The following RAB10 variants were observed in gnomAD, a reference collection of about 807,000 sequenced individuals.
The protein encoded by RAB10 is ras-related protein Rab-10.
RAB10 carries 5 observed loss-of-function variants against 25.7 expected under a neutral mutation model. The ratio of observed to expected loss-of-function variants is 0.19; its 90% confidence interval spans 0.10 to 0.41. RAB10 has a LOEUF of 0.41. RAB10 is among the 10% of genes least tolerant of loss of function. RAB10 has a pLI of 1.00. For synonymous variants in RAB10, 89 were observed against 86.4 expected (o/e 1.03, Z -0.16); for missense variants, 103 against 245.8 (o/e 0.42, Z 3.89).
In RAB10 at chr2:26,114,221, G is replaced by A. The variant is rs138544166; in HGVS notation, c.327+4315G>A. Among the ~76,000 whole-genome samples the A allele has an allele frequency of 7.9e-3, 1,203 of 152,026 alleles. 22 individuals carry two copies. The highest frequency in any genetic ancestry group is 0.028 in the African/African-American group (1,147 of 41,458). On this transcript the variant is annotated intron_variant, in intron 3 of 5. Transcript: ENST00000264710. Reference sequence around the variant, plus strand: ...ATTGCTTTTTTAAAAATTCCCCCCCGTAGAAATTGACAAATTGACCCTAAA... The same window carrying A: ...ATTGCTTTTTTAAAAATTCCCCCCCATAGAAATTGACAAATTGACCCTAAA...
chr2:26,130,067 C>A (rs985990692), intron 5 of RAB10, among the ~76,000 whole-genome samples: 1 of 152,054 alleles, frequency 6.6e-6, no homozygotes, highest in Non-Finnish European at 1.5e-5. Context: ...GTAAGGGGGA[C>A]GGATCATAGG....
intron 2 of RAB10, among the ~76,000 whole-genome samples, chr2:26,103,657 A>T (rs1667389574): frequency 6.6e-6 from 1 of 152,206 alleles, no homozygotes; most frequent in Admixed American, 6.5e-5. Context: ...TTTTTAGTAT[A>T]TTCACAAATT....
chr2:26,067,025 A>G (rs1282091588), intron 1 of RAB10, among the ~76,000 whole-genome samples: 1 of 151,784 alleles, frequency 6.6e-6, no homozygotes, highest in Non-Finnish European at 1.5e-5. Context: ...CAAGTGATCC[A>G]CCTGCCTCAG....
At position 26,109,768 on chromosome 2, in the gene RAB10, G is replaced by C; in HGVS notation, c.189G>C (p.Trp63Cys). ...LQGKKIKLQI[W>C]DTAGQERFHT... The stretch of plus-strand genomic sequence containing the variant: ...AGAAATTATTGGCTGTTTATTTCAG[G>C]GATACAGCAGGCCAGGAGCGATTTC... The change falls in exon 3 of 6, where the codon TGG (tryptophan) becomes TGC (cysteine). Residue 63 changes from tryptophan (W) to cysteine (C), a missense_variant and splice_region_variant. Physicochemically the swap from Trp to Cys is radical, Grantham distance 215. This residue lies in a region of RAB10 where 79 missense variants were observed against 217.8 expected (regional missense o/e 0.36). Coordinates refer to ENST00000264710, the MANE Select transcript of RAB10 (RefSeq NM_016131.5). 6.4e-7 allele frequency: 1 copy of C among 1,561,758 alleles called. No individual in the cohort carries two copies. Among genetic ancestry groups the C allele is most frequent in the Non-Finnish European group, 8.6e-7 (1 of 1,159,376 alleles).
intron 3 of RAB10, among the ~76,000 whole-genome samples, chr2:26,117,195 T>C (rs1276094765): frequency 2.0e-5 from 3 of 152,168 alleles, no homozygotes; most frequent in Admixed American, 6.5e-5. Flanking sequence ...GGAGTTATTA[T>C]ATGAAGGTTT....
chr2:26,125,391 G>A (rs1667884442), intron 3 of RAB10, among the ~76,000 whole-genome samples: 1 of 137,264 alleles, frequency 7.3e-6, no homozygotes, highest in Non-Finnish European at 1.6e-5. Flanking sequence ...TTGTTTGTTT[G>A]TATATCTTCT....
chr2:26,041,844 C>T (rs1224560573), intron 1 of RAB10, among the ~76,000 whole-genome samples: 2 of 151,952 alleles, frequency 1.3e-5, no homozygotes, highest in East Asian at 1.9e-4. Context: ...GCGGAGGTTG[C>T]GGTGAGCCGA....
intron 5 of RAB10, among the ~76,000 whole-genome samples, chr2:26,131,572 T>TG (rs1668013544): frequency 6.6e-6 from 1 of 152,206 alleles, no homozygotes; most frequent in African/African-American, 2.4e-5. Flanking sequence ...TTCATTCTCT[T>TG]GCTTCAAACA....
At chr2:26,114,529 G>C (rs957020336) in intron 3 of RAB10, among the ~76,000 whole-genome samples, 5 of 152,090 alleles carry the variant, frequency 3.3e-5, no homozygotes, top group Non-Finnish European at 7.4e-5. Flanking sequence ...TGGGAAAACT[G>C]GCTATCCTTG....
At chr2:26,097,567 C>T (rs938664674) in intron 1 of RAB10, among the ~76,000 whole-genome samples, 6 of 152,300 alleles carry the variant, frequency 3.9e-5, no homozygotes, top group East Asian at 1.9e-4. Flanking sequence ...CGTGAGCCAC[C>T]GTGCCTGGCA....
upstream of RAB10, among the ~76,000 whole-genome samples, chr2:26,033,798 G>A (rs1336328646): frequency 6.6e-6 from 1 of 151,542 alleles, no homozygotes. Flanking sequence ...GGGAGGCGGG[G>A]GTCGGAGGGG....
intron 1 of RAB10, among the ~76,000 whole-genome samples, chr2:26,097,711 T>A (rs899841904): frequency 1.3e-5 from 2 of 152,260 alleles, no homozygotes; most frequent in Non-Finnish European, 2.9e-5. Flanking sequence ...ATGTCAGTTA[T>A]GTCAAATTGG....
At chr2:26,111,674 A>G (rs1667575707) in intron 3 of RAB10, among the ~76,000 whole-genome samples, 1 of 151,988 alleles carries the variant, frequency 6.6e-6, no homozygotes. Context: ...TCTTTATTTT[A>G]TTGTTCAGGT....
intron 1 of RAB10, among the ~76,000 whole-genome samples, chr2:26,042,120 T>A (rs1490059764): frequency 2.0e-5 from 3 of 152,168 alleles, no homozygotes; most frequent in Non-Finnish European, 4.4e-5. Context: ...ATACTGGATG[T>A]GCTACCTTTT....
intron 1 of RAB10, among the ~76,000 whole-genome samples, chr2:26,079,128 G>A (rs1237642139): frequency 6.6e-6 from 1 of 152,098 alleles, no homozygotes; most frequent in Non-Finnish European, 1.5e-5. Flanking sequence ...CGGAGGTTGT[G>A]GCGAGCTGAG....
At chr2:26,088,977 G>A (rs1318237267) in intron 1 of RAB10, among the ~76,000 whole-genome samples, 2 of 151,954 alleles carry the variant, frequency 1.3e-5, no homozygotes, top group Admixed American at 6.6e-5. Context: ...GGGGGAGGGT[G>A]GAAAGTACAC....
intron 1 of RAB10, among the ~76,000 whole-genome samples, chr2:26,096,617 G>C (rs1312916308): frequency 6.6e-6 from 1 of 151,962 alleles, no homozygotes; most frequent in Non-Finnish European, 1.5e-5. Context: ...TTGATCTTTG[G>C]AACATACTTT....
chr2:26,056,758 C>G (rs1303733103), intron 1 of RAB10, among the ~76,000 whole-genome samples: 6 of 152,150 alleles, frequency 3.9e-5, no homozygotes, highest in Admixed American at 3.9e-4. Flanking sequence ...TCCTGAGTAG[C>G]TAGGACTACA....
chr2:26,036,583 T>G (rs542507712), intron 1 of RAB10, among the ~76,000 whole-genome samples: 135 of 151,612 alleles, frequency 8.9e-4, no homozygotes, highest in African/African-American at 3.2e-3. Flanking sequence ...CACTTGAACC[T>G]GGGAGGCGGA....
Sources: gnomAD v4.1 joint callset for allele counts (sites outside exome capture counted in the v4.1 genomes callset) on GRCh38, gnomAD v4.1.1 for gene constraint, gnomAD v4.1.1 regional missense constraint, MANE v1.5 for transcripts, NCBI Gene and HGNC (gene_info 2026-07-23, HGNC 2026-07-21) for gene names.